Variants in PCDH11X observed in about 807,000 individuals in gnomAD.
PCDH11X encodes the protein protocadherin 11 X-linked.
PCDH11X carries 18 observed loss-of-function variants against 53.3 expected under a neutral mutation model. That is an observed-to-expected ratio of 0.34 (90% CI 0.23 to 0.50). The LOEUF is 0.50. Ranked by LOEUF, PCDH11X falls within the 20% of genes least tolerant of loss-of-function variation. The probability of loss-of-function intolerance (pLI) is 0.98; values close to 1 mark genes in which losing one functional copy is unlikely to be tolerated. For synonymous variants in PCDH11X, 279 were observed against 393.3 expected (o/e 0.71, Z 3.44); for missense variants, 570 against 1,032.4 (o/e 0.55, Z 6.14).
chrX:92,104,272 C>T (rs1216660500), intron 6 of PCDH11X, among the ~76,000 whole-genome samples: 5 of 109,713 alleles, frequency 4.6e-5, no homozygotes, highest in African/African-American at 1.3e-4. Context: ...TGGGACCTAG[C>T]TCAGCCTGTC....
intron 10 of PCDH11X, among the ~76,000 whole-genome samples, chrX:92,605,169 A>G (rs1926657567): frequency 2.7e-5 from 3 of 109,723 alleles, no homozygotes; most frequent in Non-Finnish European, 3.8e-5. Flanking sequence ...GGTAGGCTAT[A>G]AAAGAAGCCT....
intron 7 of PCDH11X, among the ~76,000 whole-genome samples, chrX:92,226,003 G>A (rs1054149799): frequency 2.7e-5 from 3 of 111,264 alleles, no homozygotes; most frequent in South Asian, 3.8e-4. Flanking sequence ...TTCAGGTATC[G>A]AAAGGTTATT....
intron 6 of PCDH11X, among the ~76,000 whole-genome samples, chrX:92,139,591 C>T: frequency 9.1e-6 from 1 of 110,450 alleles, no homozygotes; most frequent in Non-Finnish European, 1.9e-5. Context: ...ACGACAGTAG[C>T]TGCACGTAAA....
intron 6 of PCDH11X, among the ~76,000 whole-genome samples, chrX:92,084,375 C>G (rs780090718): frequency 9.3e-6 from 1 of 108,083 alleles, no homozygotes; most frequent in African/African-American, 3.4e-5. Context: ...TGGAGAAACC[C>G]GGTCTCTACT....
chrX:91,997,155 G>A (rs899645922), intron 6 of PCDH11X, among the ~76,000 whole-genome samples: 36 of 111,394 alleles, frequency 3.2e-4, no homozygotes, highest in Non-Finnish European at 6.4e-4. Context: ...ACAAGGTCAT[G>A]TCACCTGCAA....
intron 6 of PCDH11X, among the ~76,000 whole-genome samples, chrX:92,132,420 C>A (rs2064996256): frequency 1.0e-5 from 1 of 97,732 alleles, no homozygotes. Flanking sequence ...CCATTCTGGC[C>A]AACATGGTGA....
At chrX:92,044,035 G>T (rs1380984423) in intron 6 of PCDH11X, among the ~76,000 whole-genome samples, 2 of 111,165 alleles carry the variant, frequency 1.8e-5, no homozygotes, top group Non-Finnish European at 3.8e-5. Flanking sequence ...GGATTGCAGT[G>T]AAATTCATTG....
intron 8 of PCDH11X, among the ~76,000 whole-genome samples, chrX:92,265,772 A>T (rs1187863390): frequency 2.7e-5 from 3 of 111,843 alleles, no homozygotes; most frequent in Non-Finnish European, 3.8e-5. Flanking sequence ...AACTCAGGCA[A>T]TCTGTCTCCA....
chrX:92,085,525 T>G (rs998238780), intron 6 of PCDH11X, among the ~76,000 whole-genome samples: 1 of 104,829 alleles, frequency 9.5e-6, no homozygotes, highest in Non-Finnish European at 1.9e-5. Context: ...GCTGCCTGTG[T>G]TTTTTCACCC....
intron 6 of PCDH11X, among the ~76,000 whole-genome samples, chrX:92,010,673 T>G (rs2062674427): frequency 9.1e-6 from 1 of 110,438 alleles, no homozygotes. Flanking sequence ...TGTCTCTGTT[T>G]TTTAGATGAA....
At chrX:92,232,413 T>C (rs2067093020) in intron 7 of PCDH11X, among the ~76,000 whole-genome samples, 1 of 111,771 alleles carries the variant, frequency 8.9e-6, no homozygotes, top group African/African-American at 3.3e-5. Flanking sequence ...ATTTCGTATT[T>C]TCCCAAATCC....
chrX:91,791,364 C>A (rs1935526614), intron 1 of PCDH11X, among the ~76,000 whole-genome samples: 1 of 110,999 alleles, frequency 9.0e-6, no homozygotes, highest in African/African-American at 3.3e-5. Flanking sequence ...AACTTACAAT[C>A]ATGGCAGAAG....
At chrX:91,822,279 A>T (rs1366760432) in intron 4 of PCDH11X, among the ~76,000 whole-genome samples, 1 of 106,991 alleles carries the variant, frequency 9.3e-6, no homozygotes, top group Non-Finnish European at 1.9e-5. Context: ...CTCTGGTAGA[A>T]TTCGGCTGTG....
At position 92,181,605 on chromosome X, in the gene PCDH11X, G is replaced by A. The variant is rs763417849; in HGVS notation, c.3034-19770G>A. Among the ~76,000 whole-genome samples, 5 of 111,724 alleles carry A rather than the reference G, an allele frequency of 4.5e-5. No homozygotes were observed. In the South Asian group the frequency reaches 1.1e-3, roughly 25 times the overall value. On this transcript the variant is annotated intron_variant, in intron 6 of 10. Coordinates refer to ENST00000682573, the MANE Select transcript of PCDH11X (RefSeq NM_032968.5). ...GAGGAAAAATGGTTTCACGGGCCAGGCCCAGAGTCCCTCTGCTATGTGCAG... is the reference window on the plus strand; with the variant it reads ...GAGGAAAAATGGTTTCACGGGCCAGACCCAGAGTCCCTCTGCTATGTGCAG...
chrX:92,197,429 A>C (rs966429196), intron 6 of PCDH11X, among the ~76,000 whole-genome samples: 1 of 112,151 alleles, frequency 8.9e-6, no homozygotes, highest in Admixed American at 9.5e-5. Flanking sequence ...TCATTCATCT[A>C]TATATGTCCT....
At chrX:92,084,091 AAACAAC>A (rs200977655) in intron 6 of PCDH11X, among the ~76,000 whole-genome samples, 1 of 108,052 alleles carries the variant, frequency 9.3e-6, no homozygotes, top group Admixed American at 1.0e-4. Context: ...ACTCTGTCAA[AAACAAC>A]AACAACAACA....
At chrX:92,333,441 T>A in intron 8 of PCDH11X, among the ~76,000 whole-genome samples, 1 of 111,817 alleles carries the variant, frequency 8.9e-6, no homozygotes, top group East Asian at 2.8e-4. Flanking sequence ...AAATAACTAA[T>A]GTTTTATCAA....
intron 8 of PCDH11X, among the ~76,000 whole-genome samples, chrX:92,271,328 G>A (rs771864053): frequency 8.9e-5 from 10 of 112,105 alleles, no homozygotes; most frequent in East Asian, 8.4e-4. Context: ...TTGAGGTAAC[G>A]TATTGTTAAC....
At chrX:91,871,130 A>T (rs1232136351) in intron 5 of PCDH11X, among the ~76,000 whole-genome samples, 3 of 109,606 alleles carry the variant, frequency 2.7e-5, no homozygotes, top group Non-Finnish European at 5.7e-5. Flanking sequence ...GCCTATAGCA[A>T]ACCAAGAATT....
Sources: gnomAD v4.1 joint callset for allele counts (sites outside exome capture counted in the v4.1 genomes callset) on GRCh38, gnomAD v4.1.1 for gene constraint, MANE v1.5 for transcripts, NCBI Gene and HGNC (gene_info 2026-07-23, HGNC 2026-07-21) for gene names.